PTPRN2: variants seen among roughly 807,000 people sequenced by gnomAD.
PTPRN2 encodes receptor-type tyrosine-protein phosphatase N2.
PTPRN2 carries 74 observed loss-of-function variants against 118.8 expected under a neutral mutation model. The ratio of observed to expected loss-of-function variants is 0.62; its 90% confidence interval spans 0.52 to 0.76. PTPRN2 has a LOEUF of 0.76. Ranked by LOEUF, PTPRN2 falls within the 30% of genes least tolerant of loss-of-function variation. The pLI, the probability that PTPRN2 is intolerant of heterozygous loss-of-function variation, is 0.00. For synonymous variants in PTPRN2, 641 were observed against 608.0 expected (o/e 1.05, Z -0.80); for missense variants, 1,481 against 1,394.4 (o/e 1.06, Z -0.99).
At chr7:158,239,398 C>G (rs1236438084) in intron 3 of PTPRN2, among the ~76,000 whole-genome samples, 1 of 152,152 alleles carries the variant, frequency 6.6e-6, no homozygotes, top group Non-Finnish European at 1.5e-5. Flanking sequence ...TTTCCTGGGG[C>G]GCTTTGTTTC....
intron 2 of PTPRN2, among the ~76,000 whole-genome samples, chr7:158,479,426 T>C (rs1377375005): frequency 6.6e-6 from 1 of 152,130 alleles, no homozygotes; most frequent in Non-Finnish European, 1.5e-5. Flanking sequence ...AACGCTTCCG[T>C]TGGATGAGCT....
chr7:158,049,163 A>T, intron 11 of PTPRN2, among the ~76,000 whole-genome samples: 1 of 1,224 alleles, frequency 8.2e-4, no homozygotes. Context: ...CATCACCATC[A>T]ATCATCATTG....
At chr7:157,966,796 C>T (rs1369535331) in intron 11 of PTPRN2, among the ~76,000 whole-genome samples, 2 of 152,054 alleles carry the variant, frequency 1.3e-5, no homozygotes. Context: ...CCATCATCTT[C>T]ATCACCACCA....
chr7:157,551,894 C>G (rs1798647644), intron 21 of PTPRN2, among the ~76,000 whole-genome samples: 1 of 144,262 alleles, frequency 6.9e-6, no homozygotes, highest in Non-Finnish European at 1.5e-5. Flanking sequence ...ACAGCCACCA[C>G]ACACCCCACA....
At chr7:158,119,244 T>C (rs1393489463) in intron 9 of PTPRN2, among the ~76,000 whole-genome samples, 1 of 152,108 alleles carries the variant, frequency 6.6e-6, no homozygotes, top group Non-Finnish European at 1.5e-5. Context: ...AAAGAAAATA[T>C]ACAAATGGCC....
intron 2 of PTPRN2, among the ~76,000 whole-genome samples, chr7:158,319,024 A>G (rs185270375): frequency 5.3e-5 from 8 of 152,370 alleles, no homozygotes; most frequent in Non-Finnish European, 1.0e-4. Context: ...TTTCTCAAGC[A>G]TAACAGCCTC....
chr7:157,696,787 T>C (rs202084902), intron 12 of PTPRN2, among the ~76,000 whole-genome samples: 33 of 141,024 alleles, frequency 2.3e-4, no homozygotes, highest in African/African-American at 5.0e-4. Flanking sequence ...TACCCATGCA[T>C]ACTGGATCTT....
chr7:157,951,031 C>T (rs1436473474), intron 11 of PTPRN2, among the ~76,000 whole-genome samples: 2 of 152,156 alleles, frequency 1.3e-5, no homozygotes, highest in East Asian at 3.9e-4. Flanking sequence ...AGTTTGATTT[C>T]ATCCAACACA....
At chr7:157,623,693 A>G (rs1290051346) in intron 14 of PTPRN2, among the ~76,000 whole-genome samples, 1 of 152,154 alleles carries the variant, frequency 6.6e-6, no homozygotes, top group Non-Finnish European at 1.5e-5. Context: ...GTTGGGTGGT[A>G]GGAGGGAGGA....
chr7:157,942,963 A>G (rs961698252), intron 11 of PTPRN2, among the ~76,000 whole-genome samples: 4 of 152,098 alleles, frequency 2.6e-5, no homozygotes, highest in African/African-American at 9.7e-5. Context: ...TGGCATTTCC[A>G]TGCCCTCACT....
chr7:157,900,662 C>T lies in PTPRN2; in HGVS notation c.1724-1925G>A, dbSNP rs188242799. 5.4e-4 allele frequency among the ~76,000 whole-genome samples: 83 copies of T among 152,346 alleles called. 2 individuals carry two copies. Among genetic ancestry groups the T allele is most frequent in the Admixed American group, 4.9e-3 (75 of 15,312 alleles). On this transcript the variant is annotated intron_variant, in intron 11 of 22. Coordinates refer to ENST00000389418, the MANE Select transcript of PTPRN2 (RefSeq NM_002847.5). Reference sequence around the variant, plus strand: ...GGATGCTCTGAGCTCCTCAGTCTGACGAAAACGCAGTCCTCCTCCCAGGAA... The same window carrying T: ...GGATGCTCTGAGCTCCTCAGTCTGATGAAAACGCAGTCCTCCTCCCAGGAA...
intron 2 of PTPRN2, among the ~76,000 whole-genome samples, chr7:158,361,925 C>A (rs557135168): frequency 5.6e-4 from 86 of 152,214 alleles, no homozygotes; most frequent in Non-Finnish European, 1.1e-3. Context: ...TCCCGCTGAG[C>A]CTGGACCCTG....
chr7:158,543,881 C>A (rs1224732396), intron 1 of PTPRN2, among the ~76,000 whole-genome samples: 1 of 152,236 alleles, frequency 6.6e-6, no homozygotes, highest in Non-Finnish European at 1.5e-5. Flanking sequence ...GGCTAAGCTG[C>A]CTCTGCACCA....
At chr7:158,533,846 C>T (rs1051172607) in intron 1 of PTPRN2, among the ~76,000 whole-genome samples, 1 of 152,374 alleles carries the variant, frequency 6.6e-6, no homozygotes, top group East Asian at 1.9e-4. Flanking sequence ...GAAAACACAG[C>T]TCCCACTCCG....
intron 11 of PTPRN2, among the ~76,000 whole-genome samples, chr7:158,004,466 T>C (rs2128863102): frequency 1.3e-5 from 2 of 152,392 alleles, no homozygotes; most frequent in East Asian, 3.9e-4. Flanking sequence ...ATTCCTTTGC[T>C]ATAAATAACA....
At chr7:158,070,569 A>G in intron 11 of PTPRN2, among the ~76,000 whole-genome samples, 1 of 69,972 alleles carries the variant, frequency 1.4e-5, no homozygotes, top group Admixed American at 1.7e-4. Flanking sequence ...GTGGTGGTGG[A>G]GGTGCCCGTG....
At chr7:157,753,954 C>T (rs1801635798) in intron 12 of PTPRN2, among the ~76,000 whole-genome samples, 1 of 152,278 alleles carries the variant, frequency 6.6e-6, no homozygotes, top group African/African-American at 2.4e-5. Context: ...CTTGCTCCCT[C>T]CTCATCCTGG....
chr7:158,123,495 A>G (rs1298596393), intron 9 of PTPRN2, among the ~76,000 whole-genome samples: 1 of 152,022 alleles, frequency 6.6e-6, no homozygotes, highest in Non-Finnish European at 1.5e-5. Flanking sequence ...GGTCTGGGAG[A>G]AGGAGGTTTT....
At chr7:158,160,835 T>C (rs1183539346) in intron 6 of PTPRN2, among the ~76,000 whole-genome samples, 1 of 152,266 alleles carries the variant, frequency 6.6e-6, no homozygotes, top group Admixed American at 6.5e-5. Context: ...GGCTTATGTC[T>C]GCAAAAATAC....
Sources: allele counts gnomAD v4.1 joint callset (sites outside exome capture counted in the v4.1 genomes callset), GRCh38; gene constraint gnomAD v4.1.1; transcripts MANE v1.5; gene names NCBI Gene and HGNC (gene_info 2026-07-23, HGNC 2026-07-21).